Variants in TTC7B observed in about 807,000 individuals in gnomAD.
TTC7B encodes tetratricopeptide repeat domain 7B.
Under a neutral mutation model 106.8 loss-of-function variants are expected in TTC7B, and 28 were observed. That is an observed-to-expected ratio of 0.26 (90% confidence interval 0.19 to 0.36). TTC7B has a LOEUF of 0.36. TTC7B is among the 10% of genes least tolerant of loss of function. The probability of loss-of-function intolerance (pLI) is 1.00; values close to 1 mark genes in which losing one functional copy is unlikely to be tolerated. For missense variants in TTC7B, 862 were observed against 1,076.4 expected, an observed-to-expected ratio of 0.80 and a Z score of 2.79; for synonymous variants, 405 against 430.6, an observed-to-expected ratio of 0.94 and a Z score of 0.74.
At chr14:90,708,927 A>G (rs1177783246) in intron 5 of TTC7B, among the ~76,000 whole-genome samples, 3 of 151,610 alleles carry the variant, frequency 2.0e-5, no homozygotes, top group Admixed American at 1.3e-4. Flanking sequence ...CAAAAAACAC[A>G]TGAAAAAATG....
Position 90,618,065 on chromosome 14 carries a change from G to A in TTC7B, c.1752-20C>T, listed in dbSNP as rs374745320. 2.2e-5 allele frequency: 34 copies of A among 1,577,104 alleles called. No homozygotes were observed. In the African/African-American group the frequency reaches 3.6e-4, roughly 17 times the overall value. On this transcript the variant is annotated intron_variant, in intron 15 of 19. Coordinates refer to ENST00000328459, the MANE Select transcript of TTC7B (RefSeq NM_001010854.2). ...AGTAGTCTGCAGTGGGGAGACAAAGGGAGAAAACACCACGGCTCAAGCCAC... is the reference window on the plus strand; with the variant it reads ...AGTAGTCTGCAGTGGGGAGACAAAGAGAGAAAACACCACGGCTCAAGCCAC...
intron 5 of TTC7B, among the ~76,000 whole-genome samples, 195 bp from the exon 6 acceptor site, chr14:90,695,773 T>C (rs1459867842): frequency 6.6e-6 from 1 of 152,192 alleles, no homozygotes; most frequent in African/African-American, 2.4e-5. Context: ...TTGTGTTTTC[T>C]AACCCCTAGC....
intron 5 of TTC7B, among the ~76,000 whole-genome samples, chr14:90,704,583 C>A (rs1888130157): frequency 6.6e-6 from 1 of 152,220 alleles, no homozygotes; most frequent in Non-Finnish European, 1.5e-5. Context: ...GACAGGAGAG[C>A]AGCCTGGGAA....
chr14:90,715,780 C>T (rs1156359421), intron 5 of TTC7B, among the ~76,000 whole-genome samples: 1 of 152,136 alleles, frequency 6.6e-6, no homozygotes, highest in Non-Finnish European at 1.5e-5. Context: ...ATGACCACCA[C>T]CCCACCCACT....
chr14:90,652,264 T>C (rs1394787059), intron 13 of TTC7B, among the ~76,000 whole-genome samples: 1 of 151,886 alleles, frequency 6.6e-6, no homozygotes, highest in Non-Finnish European at 1.5e-5. Flanking sequence ...ACAAATTAAA[T>C]AAGGGATGTG....
In TTC7B at chr14:90,608,510, G is replaced by A. The variant is rs1892743424; in HGVS notation, c.1966+2232C>T. Among the ~76,000 whole-genome samples, 1 of 152,130 alleles carries A rather than the reference G, an allele frequency of 6.6e-6. No homozygotes were observed. Among genetic ancestry groups the A allele is most frequent in the Non-Finnish European group, 1.5e-5 (1 of 68,032 alleles). ...TCCCTGTTGTTGAGGAAGGGCATAG[G>A]AGCCCGCGGTCCTGACTCCAAACAC... is the stretch of plus-strand genomic sequence containing the variant. On this transcript the variant is annotated intron_variant, in intron 17 of 19. Transcript: ENST00000328459. This position sits in a 1 kb window ranked among gnomAD's most constrained non-coding sequence, Gnocchi z 5.1.
In TTC7B at chr14:90,570,391, C is replaced by T. The variant is rs1890986004; in HGVS notation, c.2310+7715G>A. Among the ~76,000 whole-genome samples, 1 of 152,218 alleles carries T rather than the reference C, an allele frequency of 6.6e-6. No individual in the cohort carries two copies. The highest frequency in any genetic ancestry group is 1.9e-4 in the East Asian group (1 of 5,188). On this transcript the variant is annotated intron_variant, in intron 19 of 19. Transcript: ENST00000328459. The surrounding 1 kb of genome is among the most constrained non-coding windows in gnomAD (Gnocchi z 4.0). Reference sequence around the variant, plus strand: ...CTCTGCACCAAGGCAGGAGCCCTGGCTGGAGAGAAACAGCTGGTTCTGATG... The same window carrying T: ...CTCTGCACCAAGGCAGGAGCCCTGGTTGGAGAGAAACAGCTGGTTCTGATG...
chr14:90,697,796 G>A (rs1033867486), intron 5 of TTC7B: 6 of 152,242 alleles, frequency 3.9e-5, no homozygotes, highest in Admixed American at 2.6e-4. Context: ...TCTCCGCCCC[G>A]AAGGAGGCCA....
intron 5 of TTC7B, among the ~76,000 whole-genome samples, chr14:90,720,850 G>A (rs1189628056): frequency 2.6e-5 from 4 of 152,158 alleles, no homozygotes; most frequent in Non-Finnish European, 5.9e-5. Context: ...TTCTCCTGCT[G>A]GACTAGAAAT....
chr14:90,556,934 G>C (rs988097487), intron 19 of TTC7B, among the ~76,000 whole-genome samples: 15 of 152,210 alleles, frequency 9.9e-5, no homozygotes, highest in African/African-American at 3.6e-4. Context: ...CATGGGCAGG[G>C]CTATGACCCC....
intron 7 of TTC7B, among the ~76,000 whole-genome samples, chr14:90,684,025 T>C (rs1887157610): frequency 6.6e-6 from 1 of 152,130 alleles, no homozygotes; most frequent in African/African-American, 2.4e-5. Flanking sequence ...GACCCCTCCA[T>C]TTTCCATTTT....
In TTC7B at chr14:90,654,319, A is replaced by C. The variant is rs574607662; in HGVS notation, c.1459+674T>G. 1.1e-3 allele frequency among the ~76,000 whole-genome samples: 162 copies of C among 152,298 alleles called. 2 individuals are homozygous for C. Among genetic ancestry groups the C allele is most frequent in the Middle Eastern group, 3.4e-3 (1 of 294 alleles). The stretch of plus-strand genomic sequence containing the variant: ...TGTGTTTCTGGGATTTTTGTTTTGC[A>C]TTTGTGTTATATTTAACAACAACAT... On this transcript the variant is annotated intron_variant, in intron 12 of 19. Transcript: ENST00000328459.
At chr14:90,714,378 C>T (rs1191872001) in intron 5 of TTC7B, among the ~76,000 whole-genome samples, 2 of 151,776 alleles carry the variant, frequency 1.3e-5, no homozygotes, top group Admixed American at 1.3e-4. Context: ...AAGGAATTGA[C>T]GAACAGGCAC....
Position 90,805,237 on chromosome 14 carries a change from T to C in TTC7B, c.121+10938A>G, listed in dbSNP as rs2030534822. ...CAGTAGGTGTTCAGTAAGAGCTCGA[T>C]GAGTAATGAATCTAAGTAAACTCCT... On this transcript the variant is annotated intron_variant, in intron 1 of 19. Coordinates refer to ENST00000328459, the MANE Select transcript of TTC7B (RefSeq NM_001010854.2). This position sits in a 1 kb window ranked among gnomAD's most constrained non-coding sequence, Gnocchi z 4.0. 6.6e-6 allele frequency among the ~76,000 whole-genome samples: 1 copy of C among 152,092 alleles called. No individual in the cohort carries two copies.
At chr14:90,609,304 C>T (rs1047471649) in intron 17 of TTC7B, among the ~76,000 whole-genome samples, 2 of 152,216 alleles carry the variant, frequency 1.3e-5, no homozygotes, top group Non-Finnish European at 2.9e-5. Context: ...CACCAATTTA[C>T]GATTTGTGCC....
At chr14:90,784,286 G>A (rs10150104) in intron 2 of TTC7B, among the ~76,000 whole-genome samples, 62,336 of 152,086 alleles carry the variant, frequency 0.41, 14,428 homozygotes, top group Non-Finnish European at 0.51. Context: ...GGCCGGGAGC[G>A]GTGGCTCACG....
rs1250155693 is a variant in TTC7B, at chr14:90,655,119, T to C, written c.1342-9A>G. ...TTTTCAGCCTCTTCCAACTGAAAAA[T>C]GAGACAAGTTAAAAACAACAACAAC... On this transcript the variant is annotated splice_polypyrimidine_tract_variant and intron_variant, in intron 11 of 19. Transcript: ENST00000328459. The C allele has an allele frequency of 6.2e-7, 1 of 1,603,862 alleles. No individual in the cohort carries two copies. The highest frequency in any genetic ancestry group is 8.5e-7 in the Non-Finnish European group (1 of 1,170,690).
intron 3 of TTC7B, among the ~76,000 whole-genome samples, chr14:90,758,163 C>T (rs1890366845): frequency 6.6e-6 from 1 of 151,514 alleles, no homozygotes; most frequent in Admixed American, 6.6e-5. Flanking sequence ...CCTTTCTTCT[C>T]CATCCCTGAA....
At chr14:90,763,511 C>T (rs1209417171) in intron 3 of TTC7B, among the ~76,000 whole-genome samples, 1 of 151,970 alleles carries the variant, frequency 6.6e-6, no homozygotes, top group Non-Finnish European at 1.5e-5. Flanking sequence ...CTATCCAGCA[C>T]AATTAGGCAA....
Sources: gnomAD v4.1 joint callset for allele counts (sites outside exome capture counted in the v4.1 genomes callset) on GRCh38, gnomAD v4.1.1 for gene constraint, Gnocchi (gnomAD v3.1) non-coding constraint, MANE v1.5 for transcripts, NCBI Gene and HGNC (gene_info 2026-07-23, HGNC 2026-07-21) for gene names.